DLG2: variants seen among roughly 807,000 people sequenced by gnomAD.
DLG2 encodes discs large MAGUK scaffold protein 2, also known as disks large homolog 2.
In DLG2, 45 loss-of-function variants were observed where a neutral mutation model predicts 132.5. The ratio of observed to expected loss-of-function variants is 0.34; its 90% CI spans 0.27 to 0.44. The LOEUF (loss-of-function observed/expected upper bound fraction) is 0.44. DLG2 is among the 20% of genes least tolerant of loss of function. The pLI is 1.00. For missense variants in DLG2, 1,045 were observed against 1,196.9 expected, an observed-to-expected ratio of 0.87 and a Z score of 1.87; for synonymous variants, 424 against 419.6, an observed-to-expected ratio of 1.01 and a Z score of -0.13.
intron 7 of DLG2, among the ~76,000 whole-genome samples, chr11:84,283,374 T>C (rs900454698): frequency 6.6e-6 from 1 of 152,202 alleles, no homozygotes; most frequent in Non-Finnish European, 1.5e-5. Flanking sequence ...ACTTATCTCA[T>C]AGGATTGTTG....
intron 18 of DLG2, among the ~76,000 whole-genome samples, chr11:83,740,136 A>G: frequency 6.6e-6 from 1 of 152,212 alleles, no homozygotes; most frequent in South Asian, 2.1e-4. Context: ...AAGCTAAACT[A>G]ATACATACTC....
intron 19 of DLG2, among the ~76,000 whole-genome samples, chr11:83,596,977 C>A (rs936958275): frequency 8.6e-5 from 13 of 151,908 alleles, no homozygotes; most frequent in Non-Finnish European, 1.8e-4. Flanking sequence ...AGATTTTTAC[C>A]GGAGCTCATT....
chr11:85,469,370 T>G (rs1182980009), intron 3 of DLG2: 1 of 152,210 alleles, frequency 6.6e-6, no homozygotes, highest in African/African-American at 2.4e-5. Context: ...GAGAACTGCA[T>G]AGCAAAACAA....
intron 6 of DLG2, among the ~76,000 whole-genome samples, chr11:84,952,498 C>T (rs1349555888): frequency 6.7e-6 from 1 of 149,938 alleles, no homozygotes; most frequent in Non-Finnish European, 1.5e-5. Context: ...GCCTGGGCGA[C>T]AGAACGAGAC....
chr11:85,578,246 T>C (rs1168801709), intron 3 of DLG2, among the ~76,000 whole-genome samples: 1 of 152,158 alleles, frequency 6.6e-6, no homozygotes, highest in Non-Finnish European at 1.5e-5. Context: ...TAACTCAAGA[T>C]GGACTACAAA....
intron 6 of DLG2, among the ~76,000 whole-genome samples, chr11:84,631,057 C>G (rs982867843): frequency 2.4e-4 from 32 of 133,486 alleles, no homozygotes; most frequent in African/African-American, 9.0e-4. Flanking sequence ...CACACACACA[C>G]AGAAACCACG....
At chr11:85,087,806 CCGCAG>C in intron 6 of DLG2, among the ~76,000 whole-genome samples, 1 of 137,352 alleles carries the variant, frequency 7.3e-6, no homozygotes, top group Non-Finnish European at 1.6e-5. Flanking sequence ...CCACTGCAGT[CCGCAG>C]TCCGGCCTGG....
At chr11:83,665,884 G>A (rs573197977) in intron 18 of DLG2, among the ~76,000 whole-genome samples, 3 of 152,112 alleles carry the variant, frequency 2.0e-5, no homozygotes, top group South Asian at 2.1e-4. Context: ...TCAAAAACAC[G>A]AAGAAGTGAT....
intron 9 of DLG2, among the ~76,000 whole-genome samples, chr11:84,148,554 GT>G (rs949167923): frequency 1.3e-5 from 2 of 151,896 alleles, no homozygotes; most frequent in Non-Finnish European, 2.9e-5. Flanking sequence ...AAAGGATATG[GT>G]TTTTTTATGG....
chr11:84,937,329 T>C (rs150322423), intron 6 of DLG2, among the ~76,000 whole-genome samples: 11 of 146,936 alleles, frequency 7.5e-5, no homozygotes, highest in African/African-American at 2.5e-4. Flanking sequence ...ATTCATTTAA[T>C]AGATGAAGAA....
intron 8 of DLG2, among the ~76,000 whole-genome samples, chr11:84,172,228 A>C (rs2095841469): frequency 6.6e-6 from 1 of 152,208 alleles, no homozygotes; most frequent in Non-Finnish European, 1.5e-5. Context: ...AAGTTATAAT[A>C]AGACTGGTTT....
intron 3 of DLG2, among the ~76,000 whole-genome samples, chr11:85,554,764 C>T (rs539411493): frequency 6.6e-6 from 1 of 150,946 alleles, no homozygotes; most frequent in East Asian, 1.9e-4. Context: ...GCAACTTCCC[C>T]AATTGCTCCT....
rs2089243546 is a variant in DLG2 at position 83,457,793 on chromosome 11, C to CT, written c.*2024dup. 6.6e-6 allele frequency: 1 copy of CT among 152,596 alleles called. No individual in the cohort carries two copies. Among genetic ancestry groups the CT allele is most frequent in the Non-Finnish European group, 1.5e-5 (1 of 68,044 alleles). The allele number at this position is 152,596 out of a possible 1,614,324, so 9.5% of individuals were successfully genotyped here. A position where few individuals can be genotyped will look rare whatever the true frequency, so the allele number is the denominator to read the frequency against. On this transcript the variant is annotated 3_prime_UTR_variant, in exon 28 of 28. Coordinates refer to ENST00000376104, the MANE Select transcript of DLG2 (RefSeq NM_001142699.3). Reference sequence around the variant, plus strand: ...TGGCGAATTGCAGACATGGACATATCTTTAACATTTTGAGCAATCTAAGGA... The same window carrying CT: ...TGGCGAATTGCAGACATGGACATATCTTTTAACATTTTGAGCAATCTAAGGA...
rs2084505933 is a variant in DLG2, at chr11:85,365,831, G to C, written c.41-80466C>G. Among the ~76,000 whole-genome samples, 3 of 152,072 alleles carry C rather than the reference G, an allele frequency of 2.0e-5. No individual in the cohort carries two copies. In the South Asian group the frequency reaches 6.2e-4, roughly 32 times the overall value. ...AATCATTCTCAGCAAACTAACACAG[G>C]AACAGAAAACAAAACACCCCATGTT... On this transcript the variant is annotated intron_variant, in intron 3 of 27. Transcript: ENST00000376104.
rs551072469 is a variant in DLG2, at chr11:83,470,953, C to T, written c.2446+673G>A. The stretch of plus-strand genomic sequence containing the variant: ...TGCATGCATTTCTGTTTGACAGAGT[C>T]GGGGTGTAGACGGGGTGAATGAGTG... On this transcript the variant is annotated intron_variant, in intron 24 of 27. Transcript: ENST00000376104. Among the ~76,000 whole-genome samples, 8 of 151,712 alleles carry T rather than the reference C, an allele frequency of 5.3e-5. No individual in the cohort carries two copies. In the East Asian group the frequency reaches 7.7e-4, roughly 15 times the overall value.
intron 7 of DLG2, among the ~76,000 whole-genome samples, chr11:84,533,215 A>G (rs1233242017): frequency 1.3e-5 from 2 of 152,152 alleles, no homozygotes; most frequent in East Asian, 3.9e-4. Flanking sequence ...TATAATATAC[A>G]TTCCTGTCAG....
intron 8 of DLG2, among the ~76,000 whole-genome samples, chr11:84,213,818 C>CAA (rs35761640): frequency 8.0e-4 from 37 of 46,358 alleles, no homozygotes; most frequent in South Asian, 6.1e-3. Context: ...GACTCCGTCT[C>CAA]AAAAAAAAAA....
chr11:83,786,606 C>T, intron 18 of DLG2, 84 bp downstream of exon 18: 1 of 1,219,076 alleles, frequency 8.2e-7, no homozygotes. Flanking sequence ...GATGGTGACT[C>T]TAGTTAATAA....
chr11:83,883,222 T>C (rs1403483889), intron 15 of DLG2, among the ~76,000 whole-genome samples: 1 of 152,208 alleles, frequency 6.6e-6, no homozygotes, highest in African/African-American at 2.4e-5. Flanking sequence ...GTCAAGATTT[T>C]TTCTGGAATT....
Sources: gnomAD v4.1 joint callset for allele counts (sites outside exome capture counted in the v4.1 genomes callset) on GRCh38, gnomAD v4.1.1 for gene constraint, MANE v1.5 for transcripts, NCBI Gene and HGNC (gene_info 2026-07-23, HGNC 2026-07-21) for gene names.